Variants in SORCS2 observed in about 807,000 individuals in gnomAD.
The protein encoded by SORCS2 is sortilin related VPS10 domain containing receptor 2, also known as VPS10 domain-containing receptor SorCS2.
Under a neutral mutation model 141.6 loss-of-function variants are expected in SORCS2, and 100 were observed. That is an observed-to-expected ratio of 0.71 (90% CI 0.60 to 0.83). SORCS2 has a LOEUF of 0.83. SORCS2 is among the 40% of genes least tolerant of loss of function. The pLI is 0.00. For missense variants in SORCS2, 1,646 were observed against 1,560.2 expected (o/e 1.05, Z -0.93); for synonymous variants, 789 against 676.9 (o/e 1.17, Z -2.57).
At chr4:7,329,469 G>A (rs1198120508) in intron 1 of SORCS2, among the ~76,000 whole-genome samples, 1 of 152,188 alleles carries the variant, frequency 6.6e-6, no homozygotes. Context: ...CGCTGAGGGG[G>A]TCCCCTGAGA....
rs186921319 is a variant in SORCS2 at position 7,305,124 on chromosome 4, C to T, written c.481-91164C>T. Among the ~76,000 whole-genome samples, 1,297 of 152,092 alleles carry T rather than the reference C, an allele frequency of 8.5e-3. 6 individuals carry two copies. Among genetic ancestry groups the T allele is most frequent in the Middle Eastern group, 0.021 (6 of 292 alleles). ...TCAGCTCACTGCAAGCTCCGCCTCC[C>T]GGGTTCGTGCCATTCTCCTGCCTCA... On this transcript the variant is annotated intron_variant, in intron 1 of 26. Transcript: ENST00000507866.
At chr4:7,239,975 G>A (rs1361012543) in intron 1 of SORCS2, among the ~76,000 whole-genome samples, 1 of 152,180 alleles carries the variant, frequency 6.6e-6, no homozygotes, top group African/African-American at 2.4e-5. Context: ...AGTGTCTCGT[G>A]GTGGCTTCTT....
intron 1 of SORCS2, among the ~76,000 whole-genome samples, chr4:7,277,983 T>C (rs1411693455): frequency 1.3e-5 from 2 of 152,168 alleles, no homozygotes; most frequent in Non-Finnish European, 2.9e-5. Context: ...TTGGCTTCGC[T>C]TGTGGATACC....
intron 1 of SORCS2, among the ~76,000 whole-genome samples, chr4:7,301,341 G>A (rs371078005): frequency 8.3e-4 from 126 of 152,356 alleles, no homozygotes; most frequent in African/African-American, 2.9e-3. Flanking sequence ...GAGCTGCCGA[G>A]GAGGTGCTGA....
chr4:7,285,759 G>A (rs1055732074), intron 1 of SORCS2, among the ~76,000 whole-genome samples: 2 of 152,246 alleles, frequency 1.3e-5, no homozygotes, highest in African/African-American at 4.8e-5. Context: ...GGCCAAGGCA[G>A]ATCCCCGTTT....
chr4:7,490,254 C>T (rs551169243), intron 2 of SORCS2, among the ~76,000 whole-genome samples: 38 of 152,300 alleles, frequency 2.5e-4, no homozygotes, highest in African/African-American at 7.2e-4. Flanking sequence ...GTGGAAAAGA[C>T]CATCTCCCTT....
At chr4:7,271,837 G>A (rs1715153676) in intron 1 of SORCS2, among the ~76,000 whole-genome samples, 6 of 152,256 alleles carry the variant, frequency 3.9e-5, no homozygotes, top group Admixed American at 3.3e-4. Flanking sequence ...CAGAGAGAGT[G>A]GGTGTTTGGG....
chr4:7,676,263 G>T, intron 9 of SORCS2, 34 bp downstream of exon 9: 1 of 1,542,654 alleles, frequency 6.5e-7, no homozygotes. Flanking sequence ...CAGGTCTGCC[G>T]CCGACCCCCT....
chr4:7,264,922 C>T (rs1027397574), intron 1 of SORCS2, among the ~76,000 whole-genome samples: 1 of 152,232 alleles, frequency 6.6e-6, no homozygotes, highest in African/African-American at 2.4e-5. Context: ...TGCTCATTCC[C>T]CTGCGGTGCC....
intron 3 of SORCS2, among the ~76,000 whole-genome samples, chr4:7,569,740 A>G (rs146232145): frequency 7.2e-5 from 11 of 152,306 alleles, no homozygotes; most frequent in East Asian, 5.8e-4. Context: ...TTCTCTACAC[A>G]TATAATACAA....
intron 1 of SORCS2, among the ~76,000 whole-genome samples, chr4:7,211,324 G>A (rs933094266): frequency 6.6e-6 from 1 of 152,138 alleles, no homozygotes; most frequent in Non-Finnish European, 1.5e-5. Flanking sequence ...TCCACGACGG[G>A]GGGCAGGCCA....
chr4:7,737,180 G>T lies in SORCS2; in HGVS notation c.3415+8G>T, dbSNP rs1712252106. The T allele has an allele frequency of 6.4e-7, 1 of 1,550,924 alleles. No individual in the cohort carries two copies. Among genetic ancestry groups the T allele is most frequent in the African/African-American group, 1.4e-5 (1 of 73,024 alleles). On this transcript the variant is annotated splice_region_variant and intron_variant, in intron 26 of 26. Coordinates refer to ENST00000507866, the MANE Select transcript of SORCS2 (RefSeq NM_020777.3). ...TCCAGGGCGCTGTCCAGGGTGAGGA[G>T]TTTATAGATGATGATCTCGACTCGC...
intron 2 of SORCS2, among the ~76,000 whole-genome samples, chr4:7,482,946 G>A (rs1444418229): frequency 6.6e-6 from 1 of 152,244 alleles, no homozygotes; most frequent in African/African-American, 2.4e-5. Flanking sequence ...TTCTTTGGAA[G>A]TAGGGTCTTT....
At chr4:7,312,436 T>C (rs1718244329) in intron 1 of SORCS2, among the ~76,000 whole-genome samples, 1 of 152,166 alleles carries the variant, frequency 6.6e-6, no homozygotes, top group South Asian at 2.1e-4. Flanking sequence ...ACCCCTCTGA[T>C]GCCTCTGCCC....
At chr4:7,561,835 C>A (rs113126985) in intron 3 of SORCS2, among the ~76,000 whole-genome samples, 3,726 of 152,066 alleles carry the variant, frequency 0.025, 70 homozygotes, top group Non-Finnish European at 0.035. Flanking sequence ...GCCCATCCAT[C>A]CTTCCATCCA....
intron 2 of SORCS2, among the ~76,000 whole-genome samples, chr4:7,396,769 T>C (rs150826520): frequency 6.6e-6 from 1 of 152,332 alleles, no homozygotes; most frequent in African/African-American, 2.4e-5. Flanking sequence ...CGTTTTTCTT[T>C]CTTCCAGGCT....
intron 4 of SORCS2, among the ~76,000 whole-genome samples, chr4:7,640,760 G>A (rs1720681177): frequency 1.3e-5 from 2 of 152,100 alleles, no homozygotes; most frequent in Admixed American, 6.5e-5. Context: ...AACAGGAGGT[G>A]TGGGCTCCAC....
At chr4:7,199,532 G>A (rs901980255) in intron 1 of SORCS2, among the ~76,000 whole-genome samples, 1 of 152,122 alleles carries the variant, frequency 6.6e-6, no homozygotes, top group Non-Finnish European at 1.5e-5. Context: ...CCCTGAGCAG[G>A]GCTCCTGCCC....
intron 2 of SORCS2, among the ~76,000 whole-genome samples, chr4:7,503,075 G>A (rs1170286758): frequency 6.6e-6 from 1 of 152,220 alleles, no homozygotes; most frequent in African/African-American, 2.4e-5. Flanking sequence ...CGGGAGCACA[G>A]GTGCACAGGG....
Sources: gnomAD v4.1 joint callset for allele counts (sites outside exome capture counted in the v4.1 genomes callset) on GRCh38, gnomAD v4.1.1 for gene constraint, MANE v1.5 for transcripts, NCBI Gene and HGNC (gene_info 2026-07-23, HGNC 2026-07-21) for gene names.